NLRP7: variants seen among roughly 807,000 people sequenced by gnomAD.
The protein encoded by NLRP7 is NLR family pyrin domain containing 7, also known as NACHT, LRR and PYD domains-containing protein 7.
A neutral mutation model predicts 85.5 loss-of-function variants in NLRP7; 72 were observed. That is an observed-to-expected ratio of 0.84 (90% CI 0.70 to 1.02). NLRP7 has a LOEUF of 1.02. NLRP7 is among the 50% of genes least tolerant of loss of function. The pLI, the probability that NLRP7 is intolerant of heterozygous loss-of-function variation, is 0.00. For missense variants in NLRP7, 1,243 were observed against 1,219.5 expected, an observed-to-expected ratio of 1.02 and a Z score of -0.29; for synonymous variants, 550 against 505.2, an observed-to-expected ratio of 1.09 and a Z score of -1.19.
intron 1 of NLRP7, among the ~76,000 whole-genome samples, chr19:54,945,238 CA>C (rs75770706): frequency 3.5e-3 from 244 of 69,690 alleles, no homozygotes; most frequent in Middle Eastern, 9.8e-3. Flanking sequence ...GACTCCCTCT[CA>C]AAAAAAAAAA....
intron 5 of NLRP7, among the ~76,000 whole-genome samples, chr19:54,936,880 A>C (rs1309935494): frequency 2.0e-5 from 3 of 151,328 alleles, no homozygotes; most frequent in Non-Finnish European, 2.9e-5. Context: ...GCACCACTGC[A>C]CTCCAGCCTG....
In NLRP7 at chr19:54,934,357, G is replaced by A. The variant is rs1359408981; in HGVS notation, c.2471+132C>T. ...GCTGAGATTACAGGCAGGAGCCACC[G>A]TGCCGGGCCTGAAGCAGGTGTTTAT... On this transcript the variant is annotated intron_variant, in intron 7 of 9. Transcript: ENST00000340844. This position sits in a 1 kb window ranked among gnomAD's most constrained non-coding sequence, Gnocchi z 6.7. The A allele has an allele frequency of 1.3e-5, 12 of 909,810 alleles. No individual in the cohort carries two copies. Among genetic ancestry groups the A allele is most frequent in the African/African-American group, 4.9e-5 (3 of 61,184 alleles). 56.4% of individuals were successfully genotyped at this position (909,810 alleles called of 1,614,324 possible). A position where few individuals can be genotyped will look rare whatever the true frequency, so the allele number is the denominator to read the frequency against.
upstream of NLRP7, among the ~76,000 whole-genome samples, chr19:54,951,722 T>C (rs1333707829): frequency 1.3e-5 from 2 of 152,028 alleles, no homozygotes; most frequent in East Asian, 1.9e-4. Flanking sequence ...TTGCTGTAGA[T>C]AGGATTTCTG....
chr19:54,930,499 C>T (rs759185995), exon 9 of NLRP7: 7 of 1,598,186 alleles, frequency 4.4e-6, no homozygotes, highest in South Asian at 3.3e-5. Context: ...AATCGCCTAC[C>T]GTAGGTGTTT....
chr19:54,934,853 G>A lies in NLRP7; in HGVS notation c.2301-194C>T, dbSNP rs1397353536. On this transcript the variant is annotated intron_variant, in intron 6 of 9. Coordinates refer to ENST00000340844, the Ensembl canonical transcript of NLRP7. This position sits in a 1 kb window ranked among gnomAD's most constrained non-coding sequence, Gnocchi z 6.7. ...GCCTCCGAAGTAGCTGGGATTACAG[G>A]CATTCGCCAATTTTTGTATTTTTAG... Among the ~76,000 whole-genome samples the A allele has an allele frequency of 6.6e-6, 1 of 152,026 alleles. No individual in the cohort carries two copies. Among genetic ancestry groups the A allele is most frequent in the Non-Finnish European group, 1.5e-5 (1 of 67,984 alleles).
At chr19:54,941,155 A>C in intron 2 of NLRP7, 150 bp from the exon 3 acceptor site, 1 of 750,972 alleles carries the variant, frequency 1.3e-6, no homozygotes, top group East Asian at 2.5e-5. Context: ...CAAGGTCAGG[A>C]GATCAAGACC....
chr19:54,948,164 A>C (rs1332902286), upstream of NLRP7, among the ~76,000 whole-genome samples: 1 of 152,164 alleles, frequency 6.6e-6, no homozygotes, highest in Non-Finnish European at 1.5e-5. Flanking sequence ...CGGGTGGATC[A>C]CCTGAGGTCA....
rs766628658 is a variant in NLRP7, at chr19:54,938,033, C to T, written c.2129+11G>A. ...TTCAGGGTCTTCCTTGCAAGATGAG[C>T]TTCTACTTACTCCACTTTCTGCAGA... On this transcript the variant is annotated intron_variant, in intron 5 of 9. Transcript: ENST00000340844. The T allele has an allele frequency of 6.2e-7, 1 of 1,607,662 alleles. No individual in the cohort carries two copies. The highest frequency in any genetic ancestry group is 8.5e-7 in the Non-Finnish European group (1 of 1,174,280).
rs1602191665 is a variant in NLRP7, at chr19:54,943,414, A to G, written c.-39-1664T>C. On this transcript the variant is annotated intron_variant, in intron 1 of 9. Coordinates refer to ENST00000340844, the Ensembl canonical transcript of NLRP7. Reference sequence around the variant, plus strand: ...CAGGAGATCGAGACCATCCTGGCTAACACGGTGAAACCCCGTCTCTACTAA... The same window carrying G: ...CAGGAGATCGAGACCATCCTGGCTAGCACGGTGAAACCCCGTCTCTACTAA... 3.9e-5 allele frequency among the ~76,000 whole-genome samples: 6 copies of G among 152,210 alleles called. No individual in the cohort carries two copies. In the South Asian group the frequency reaches 1.2e-3, roughly 32 times the overall value.
chr19:54,943,618 G>T (rs993850699), intron 1 of NLRP7, among the ~76,000 whole-genome samples: 1 of 151,888 alleles, frequency 6.6e-6, no homozygotes, highest in Non-Finnish European at 1.5e-5. Flanking sequence ...GGGGCGGGGG[G>T]AAGAGGCAGC....
At chr19:54,940,531 G>A (rs2069178510) in intron 3 of NLRP7, 65 bp from the exon 4 acceptor site, 2 of 1,577,254 alleles carry the variant, frequency 1.3e-6, no homozygotes, top group Non-Finnish European at 1.7e-6. Flanking sequence ...ATTTTGTCAA[G>A]TACCAGAAAT....
At chr19:54,938,376 TTGCATCACA>T (rs2069037887) in intron 4 of NLRP7, 135 bp from the exon 5 acceptor site, 2 of 725,586 alleles carry the variant, frequency 2.8e-6, no homozygotes, top group Admixed American at 4.1e-5. Flanking sequence ...GTAAACAATA[TTGCATCACA>T]TGCTTTGCTA....
At chr19:54,951,911 T>C (rs1055946147), upstream of NLRP7, among the ~76,000 whole-genome samples, 39 of 152,030 alleles carry the variant, frequency 2.6e-4, no homozygotes, top group African/African-American at 8.9e-4. Flanking sequence ...CAACCATGCC[T>C]GGCTAATTTT....
At chr19:54,927,724 A>G (rs1285341978) in intron 9 of NLRP7, 2 of 1,614,032 alleles carry the variant, frequency 1.2e-6, no homozygotes, top group Admixed American at 1.7e-5. Flanking sequence ...TGCTGAGGAG[A>G]GCAGATCCAA....
rs775886 is a variant in NLRP7 at position 54,941,766 on chromosome 19, G to T, written c.-39-16C>A. The T allele has an allele frequency of 1.3e-6, 2 of 1,570,080 alleles. No homozygotes were observed. Among genetic ancestry groups the T allele is most frequent in the African/African-American group, 2.8e-5 (2 of 72,536 alleles). The stretch of plus-strand genomic sequence containing the variant: ...GGCTGAAGAACTGGGGGGAAAAAAG[G>T]AAAAACAGTTCACGAGTTACCATCA... On this transcript the variant is annotated splice_polypyrimidine_tract_variant and intron_variant, in intron 1 of 9. Transcript: ENST00000340844.
intron 1 of NLRP7, among the ~76,000 whole-genome samples, chr19:54,955,949 A>G (rs143712696): frequency 0.015 from 2,225 of 152,110 alleles, 52 homozygotes; most frequent in African/African-American, 0.052. Context: ...CCTGGATGAC[A>G]GAGCAAGACT....
intron 1 of NLRP7, among the ~76,000 whole-genome samples, chr19:54,957,343 CTTCTTT>C (rs1407960998): frequency 7.1e-6 from 1 of 139,926 alleles, no homozygotes; most frequent in African/African-American, 2.8e-5. Context: ...TCTTCTTCTT[CTTCTTT>C]TTTTTTTTTT....
intron 1 of NLRP7, 63 bp downstream of exon 1, chr19:54,947,406 A>G: frequency 8.4e-7 from 1 of 1,194,890 alleles, no homozygotes; most frequent in Non-Finnish European, 1.1e-6. Flanking sequence ...TGGAAACTCA[A>G]CCAATAGCTT....
In NLRP7 at chr19:54,962,874, C is replaced by A. The variant is rs1199372352; in HGVS notation, c.-77+3166G>T. On this transcript the variant is annotated intron_variant, in intron 1 of 2. Transcript: ENST00000587103. Reference sequence around the variant, plus strand: ...TCGGCCTCCCAAAGTGCTGGGATTACAGGCGTGAGGCACCACACTGGGCCC... The same window carrying A: ...TCGGCCTCCCAAAGTGCTGGGATTAAAGGCGTGAGGCACCACACTGGGCCC... 2.0e-5 allele frequency among the ~76,000 whole-genome samples: 3 copies of A among 152,022 alleles called. 1 individual carries two copies. Among genetic ancestry groups the A allele is most frequent in the Non-Finnish European group, 4.4e-5 (3 of 67,994 alleles).
Sources: gnomAD v4.1 joint callset for allele counts (sites outside exome capture counted in the v4.1 genomes callset) on GRCh38, gnomAD v4.1.1 for gene constraint, Gnocchi (gnomAD v3.1) non-coding constraint, MANE v1.5 for transcripts, NCBI Gene and HGNC (gene_info 2026-07-23, HGNC 2026-07-21) for gene names.